DDX52: variants seen among roughly 807,000 people sequenced by gnomAD.
The protein encoded by DDX52 is probable ATP-dependent RNA helicase DDX52.
A neutral mutation model predicts 76.1 loss-of-function variants in DDX52; 59 were observed. That is an observed-to-expected ratio of 0.78 (90% CI 0.63 to 0.96). DDX52 has a LOEUF of 0.96. Among genes scored for constraint, DDX52 ranks in the 40% least tolerant of loss-of-function variants. DDX52 has a pLI of 0.00. For synonymous variants in DDX52, 231 were observed against 244.1 expected (o/e 0.95, Z 0.50); for missense variants, 707 against 703.9 (o/e 1.00, Z -0.05).
chr17:37,614,675 G>A (rs538257901), intron 14 of DDX52, among the ~76,000 whole-genome samples: 5 of 152,240 alleles, frequency 3.3e-5, no homozygotes, highest in East Asian at 1.9e-4. Context: ...GTATTAACTC[G>A]GGTAATTTTC....
intron 4 of DDX52, 81 bp from the exon 5 acceptor site, chr17:37,630,254 T>C (rs1598761703): frequency 1.5e-6 from 2 of 1,373,980 alleles, no homozygotes; most frequent in East Asian, 2.5e-5. Context: ...CTACCAGCCA[T>C]AGAAAAAAAC....
chr17:37,636,810 A>G (rs1179135610), intron 2 of DDX52, among the ~76,000 whole-genome samples: 1 of 152,248 alleles, frequency 6.6e-6, no homozygotes, highest in East Asian at 1.9e-4. Flanking sequence ...GCATCAATTT[A>G]TAAGGAAAAA....
Position 37,639,282 on chromosome 17 carries a change from G to A in DDX52, c.286+2828C>T, listed in dbSNP as rs187207010. ...AATACAATAAGGGTACAACGTACACGAAGAGACAAATTTACAAAAAGAGAA... is the reference window on the plus strand; with the variant it reads ...AATACAATAAGGGTACAACGTACACAAAGAGACAAATTTACAAAAAGAGAA... On this transcript the variant is annotated intron_variant, in intron 2 of 14. Transcript: ENST00000617633. 7.9e-5 allele frequency among the ~76,000 whole-genome samples: 12 copies of A among 152,184 alleles called. No homozygotes were observed. The East Asian group carries it at 1.9e-3, about 25-fold the overall frequency.
rs1302824743 is a variant in DDX52, at chr17:37,625,953, C to A, written c.1078G>T (p.Val360Phe). ...AGGTTGAGTTTGCACCACTGTTCAA[C>A]ATCATATGCAAAAGTTGCACTGAAC... ...AMFSATFAYD[V>F]EQWCKLNLDN... Residue 360 changes from valine (V) to phenylalanine (F), a missense_variant, in exon 8 of 15, where the codon GTT (valine) becomes TTT (phenylalanine). By Grantham distance (50) the Val-to-Phe change is conservative. Transcript: ENST00000617633. 3.7e-6 allele frequency: 6 copies of A among 1,614,052 alleles called. No homozygotes were observed. In the East Asian group the frequency reaches 1.3e-4, roughly 36 times the overall value.
chr17:37,610,318 T>C lies in DDX52; in HGVS notation c.*3978A>G, dbSNP rs1306678712. The C allele has an allele frequency of 9.6e-6, 1 of 103,788 alleles. No homozygotes were observed. Among genetic ancestry groups the C allele is most frequent in the Non-Finnish European group, 1.9e-5 (1 of 52,466 alleles). 6.4% of individuals were successfully genotyped at this position (103,788 alleles called of 1,614,324 possible). ...TTTTTTTTTTTTTTTTTTTTTTTTT[T>C]TGTAGAGATAGGATCTATGTTGCCC... On this transcript the variant is annotated 3_prime_UTR_variant, in exon 15 of 15. Coordinates refer to ENST00000617633, the MANE Select transcript of DDX52 (RefSeq NM_007010.5).
chr17:37,630,008 CTT>C lies in DDX52; in HGVS notation c.747+20_747+21del. 2 of 1,591,660 alleles carry C rather than the reference CTT, an allele frequency of 1.3e-6. No individual in the cohort carries two copies. The highest frequency in any genetic ancestry group is 1.7e-6 in the Non-Finnish European group (2 of 1,173,518). ...CTGAAGTAAAAACCAATCGCATACT[CTT>C]CAAAAGCTACAAGTCATACCTGGCT... On this transcript the variant is annotated intron_variant, in intron 5 of 14. Coordinates refer to ENST00000617633, the MANE Select transcript of DDX52 (RefSeq NM_007010.5).
At chr17:37,623,967 GTTC>G (rs2030231501) in intron 9 of DDX52, 1 of 154,862 alleles carries the variant, frequency 6.5e-6, no homozygotes. Flanking sequence ...CAACACCCCA[GTTC>G]TTCTATAAGA....
Position 37,618,344 on chromosome 17 carries a change from C to T in DDX52, c.1690G>A (p.Glu564Lys), listed in dbSNP as rs1261357966. The T allele has an allele frequency of 2.5e-6, 4 of 1,594,070 alleles. No homozygotes were observed. Among genetic ancestry groups the T allele is most frequent in the Non-Finnish European group, 3.4e-6 (4 of 1,174,108 alleles). The change falls in exon 14 of 15, where the codon GAG becomes AAG. Residue 564 changes from glutamate (E) to lysine (K), a missense_variant. Glu to Lys is a moderately conservative substitution (Grantham distance 56, BLOSUM62 1). Coordinates refer to ENST00000617633, the MANE Select transcript of DDX52 (RefSeq NM_007010.5). ...KKMIKKPLER[E>K]SISTTPKCFL... ...CATTTTGGAGTTGTACTAATGCTCTCCCTTTCCAATGGTTTCTTAATCATC... is the reference window on the plus strand; with the variant it reads ...CATTTTGGAGTTGTACTAATGCTCTTCCTTTCCAATGGTTTCTTAATCATC...
intron 14 of DDX52, among the ~76,000 whole-genome samples, chr17:37,616,771 T>G (rs775767186): frequency 7.9e-5 from 12 of 152,170 alleles, no homozygotes; most frequent in Non-Finnish European, 1.6e-4. Context: ...TTTTTTCAGT[T>G]TGTAGCACTT....
At position 37,613,911 on chromosome 17, in the gene DDX52, C is replaced by A. The variant is rs1468773082; in HGVS notation, c.*385G>T. ...TTGTTTTTCTATAAGAAGTATCTCTCTGGATTCAAACCACAGAAATGTCAA... is the reference window on the plus strand; with the variant it reads ...TTGTTTTTCTATAAGAAGTATCTCTATGGATTCAAACCACAGAAATGTCAA... On this transcript the variant is annotated 3_prime_UTR_variant, in exon 15 of 15. Transcript: ENST00000617633. 2 of 165,364 alleles carry A rather than the reference C, an allele frequency of 1.2e-5. No individual in the cohort carries two copies. The highest frequency in any genetic ancestry group is 4.8e-5 in the African/African-American group (2 of 42,006). 10.2% of individuals were successfully genotyped at this position (165,364 alleles called of 1,614,324 possible).
Position 37,625,892 on chromosome 17 carries a change from T to A in DDX52, c.1136+3A>T, listed in dbSNP as rs1335752089. The stretch of plus-strand genomic sequence containing the variant: ...GTGATAATGTTGAGAAACAATTAAA[T>A]ACCTTGCTCCAATGGACACACTGAT... On this transcript the variant is annotated splice_donor_region_variant and intron_variant, in intron 8 of 14. Transcript: ENST00000617633. 6.2e-7 allele frequency: 1 copy of A among 1,613,878 alleles called. No individual in the cohort carries two copies. The highest frequency in any genetic ancestry group is 2.2e-5 in the East Asian group (1 of 44,888).
In DDX52 at chr17:37,614,170, T is replaced by A; in HGVS notation, c.*126A>T. 1.0e-6 allele frequency: 1 copy of A among 955,620 alleles called. No homozygotes were observed. Among genetic ancestry groups the A allele is most frequent in the Non-Finnish European group, 1.5e-6 (1 of 649,486 alleles). The allele number at this position is 955,620 out of a possible 1,614,324, so 59.2% of individuals were successfully genotyped here. A position where few individuals can be genotyped will look rare whatever the true frequency, so the allele number is the denominator to read the frequency against. On this transcript the variant is annotated 3_prime_UTR_variant, in exon 15 of 15. Transcript: ENST00000617633. ...TTAGGATCATTTATCACCAGTCCCA[T>A]GTACTTGTAGTTGATTTCAAATGTT...
intron 2 of DDX52, among the ~76,000 whole-genome samples, chr17:37,638,018 A>T (rs556107937): frequency 1.3e-5 from 2 of 152,366 alleles, no homozygotes; most frequent in Non-Finnish European, 1.5e-5. Flanking sequence ...GTCCTAAAGC[A>T]TTTCTTTGAA....
chr17:37,627,271 C>T (rs982969509), intron 6 of DDX52, among the ~76,000 whole-genome samples: 4 of 152,112 alleles, frequency 2.6e-5, no homozygotes, highest in African/African-American at 7.2e-5. Context: ...GGCACAACCT[C>T]GGCTCACTGC....
chr17:37,632,597 T>C (rs753520767), intron 3 of DDX52, among the ~76,000 whole-genome samples: 58 of 152,232 alleles, frequency 3.8e-4, no homozygotes, highest in Non-Finnish European at 6.2e-4. Flanking sequence ...TTTAATATGG[T>C]GGTTAACATA....
chr17:37,636,643 AATTTAC>A (rs1273740012), intron 2 of DDX52, among the ~76,000 whole-genome samples: 1 of 152,346 alleles, frequency 6.6e-6, no homozygotes, highest in African/African-American at 2.4e-5. Flanking sequence ...ACAAACTCCA[AATTTAC>A]AGTGAAGCTT....
intron 2 of DDX52, among the ~76,000 whole-genome samples, chr17:37,636,799 C>T (rs997320265): frequency 5.3e-5 from 8 of 152,222 alleles, no homozygotes; most frequent in East Asian, 1.9e-4. Context: ...GCAGACCACC[C>T]GCATCAATTT....
At chr17:37,618,114 C>CA (rs902763814) in intron 14 of DDX52, among the ~76,000 whole-genome samples, 178 bp downstream of exon 14, 2 of 151,480 alleles carry the variant, frequency 1.3e-5, no homozygotes, top group African/African-American at 4.9e-5. Flanking sequence ...AACACTGTCT[C>CA]AAAAAAACAA....
Position 37,630,080 on chromosome 17 carries a change from T to C in DDX52, c.697A>G (p.Lys233Glu), listed in dbSNP as rs770295834. 2 of 1,613,976 alleles carry C rather than the reference T, an allele frequency of 1.2e-6. No homozygotes were observed. The highest frequency in any genetic ancestry group is 1.3e-5 in the African/African-American group (1 of 74,938). ...GATATAATCAGGGCTCTGAAGCCTT[T>C]ATTTGCGGGTTGTTTCAGCTGCATT... ...ILMQLKQPANKGFRALIISPT... is the reference protein window; with the variant it reads ...ILMQLKQPANEGFRALIISPT... The change falls in exon 5 of 15, where the codon AAA (lysine) becomes GAA (glutamate). Residue 233 changes from lysine (K) to glutamate (E), a missense_variant. Physicochemically the swap from Lys to Glu is moderately conservative, Grantham distance 56. Transcript: ENST00000617633.
Sources: allele counts gnomAD v4.1 joint callset (sites outside exome capture counted in the v4.1 genomes callset), GRCh38; gene constraint gnomAD v4.1.1; transcripts MANE v1.5; gene names NCBI Gene and HGNC (gene_info 2026-07-23, HGNC 2026-07-21).